The following MGAT4C variants were observed in gnomAD, a reference collection of about 807,000 sequenced individuals.
The protein encoded by MGAT4C is MGAT4 family member C.
In MGAT4C, 19 loss-of-function variants were observed where a neutral mutation model predicts 40.1. That is an observed-to-expected ratio of 0.47 (90% confidence interval 0.33 to 0.70). The LOEUF is 0.70. Ranked by LOEUF, MGAT4C falls within the 30% of genes least tolerant of loss-of-function variation. MGAT4C has a pLI of 0.02. For synonymous variants in MGAT4C, 181 were observed against 187.1 expected, an observed-to-expected ratio of 0.97 and a Z score of 0.27; for missense variants, 491 against 563.2, an observed-to-expected ratio of 0.87 and a Z score of 1.30.
intron 1 of MGAT4C, among the ~76,000 whole-genome samples, chr12:86,208,750 C>T (rs1950352217): frequency 6.6e-6 from 1 of 152,050 alleles, no homozygotes; most frequent in Non-Finnish European, 1.5e-5. Context: ...AGGACAGTAG[C>T]ATTTTGAAGA....
At chr12:86,734,590 T>C (rs1159835218) in intron 1 of MGAT4C, among the ~76,000 whole-genome samples, 1 of 151,946 alleles carries the variant, frequency 6.6e-6, no homozygotes, top group South Asian at 2.1e-4. Context: ...ATAACCCCCA[T>C]AGAAAGAGAC....
intron 2 of MGAT4C, among the ~76,000 whole-genome samples, chr12:86,616,025 G>C (rs1962435470): frequency 1.3e-5 from 2 of 152,086 alleles, no homozygotes; most frequent in Non-Finnish European, 2.9e-5. Flanking sequence ...CAAAATTCTA[G>C]TCAGTTGTAG....
chr12:86,674,524 C>T (rs1054138112), intron 2 of MGAT4C, among the ~76,000 whole-genome samples: 48 of 151,948 alleles, frequency 3.2e-4, no homozygotes, highest in African/African-American at 8.4e-4. Context: ...GGTGAAACCC[C>T]GTCTTTACTA....
intron 2 of MGAT4C, among the ~76,000 whole-genome samples, chr12:86,480,841 T>C (rs1957925900): frequency 6.6e-6 from 1 of 151,836 alleles, no homozygotes; most frequent in Non-Finnish European, 1.5e-5. Context: ...AAACAACCTT[T>C]TGTATTGTTT....
Position 85,962,603 on chromosome 12 carries a change from TTGAA to T in MGAT4C, c.*16682_*16685del, listed in dbSNP as rs1256503486. 1 of 150,814 alleles carries T rather than the reference TTGAA, an allele frequency of 6.6e-6. No individual in the cohort carries two copies. The highest frequency in any genetic ancestry group is 1.5e-5 in the Non-Finnish European group (1 of 67,452). The allele number at this position is 150,814 out of a possible 1,614,324, so 9.3% of individuals were successfully genotyped here. ...AATAAGGAATGGCTGAATTAAATGA[TTGAA>T]TGAAGGAGTGAAGGATGTAGATTGT... On this transcript the variant is annotated 3_prime_UTR_variant, in exon 5 of 5. Coordinates refer to ENST00000611864, the MANE Select transcript of MGAT4C (RefSeq NM_001351288.2).
chr12:86,464,432 T>G (rs1464812021), intron 2 of MGAT4C, among the ~76,000 whole-genome samples: 29 of 152,200 alleles, frequency 1.9e-4, no homozygotes, highest in Admixed American at 1.8e-3. Context: ...GAAGTCATGA[T>G]CATTAAAACG....
At chr12:86,383,413 G>A (rs548612892) in intron 3 of MGAT4C, among the ~76,000 whole-genome samples, 9 of 152,032 alleles carry the variant, frequency 5.9e-5, no homozygotes, top group East Asian at 3.9e-4. Flanking sequence ...TTATCTGGGC[G>A]TGGTGGCATG....
chr12:86,051,869 G>C (rs1289277547), intron 1 of MGAT4C, among the ~76,000 whole-genome samples: 1 of 151,414 alleles, frequency 6.6e-6, no homozygotes, highest in Non-Finnish European at 1.5e-5. Context: ...AAAATGGTTA[G>C]TTTTTTGTAC....
At chr12:86,248,166 A>G (rs1345464648) in intron 1 of MGAT4C, among the ~76,000 whole-genome samples, 1 of 151,878 alleles carries the variant, frequency 6.6e-6, no homozygotes, top group Non-Finnish European at 1.5e-5. Context: ...TAGCATGTCT[A>G]AAGTACACAA....
At chr12:86,810,076 CAG>C in intron 1 of MGAT4C, among the ~76,000 whole-genome samples, 1 of 152,072 alleles carries the variant, frequency 6.6e-6, no homozygotes, top group Middle Eastern at 3.4e-3. Flanking sequence ...AAAATCCATA[CAG>C]AGTCTTTTAA....
chr12:86,054,850 G>A (rs1893235371), intron 1 of MGAT4C, among the ~76,000 whole-genome samples: 1 of 149,156 alleles, frequency 6.7e-6, no homozygotes, highest in Non-Finnish European at 1.5e-5. Flanking sequence ...AATTTCTGTA[G>A]TAATGTATTT....
Position 86,735,782 on chromosome 12 carries a change from C to T in MGAT4C, c.-261-8541G>A, listed in dbSNP as rs139204688. Among the ~76,000 whole-genome samples the T allele has an allele frequency of 8.6e-4, 131 of 151,918 alleles. 2 individuals are homozygous for T. Among genetic ancestry groups the T allele is most frequent in the African/African-American group, 3.0e-3 (126 of 41,508 alleles). ...TGAAACTGACTGTTCATCCTCCCAC[C>T]ACCTACATGTTTTTCTCTTAAGTTC... On this transcript the variant is annotated intron_variant, in intron 1 of 7. Coordinates refer to the MGAT4C transcript ENST00000548651.
chr12:86,401,007 G>A (rs1956347773), intron 3 of MGAT4C, among the ~76,000 whole-genome samples: 1 of 151,980 alleles, frequency 6.6e-6, no homozygotes, highest in Non-Finnish European at 1.5e-5. Flanking sequence ...AAATTAGAAG[G>A]AGAGACTTTA....
At chr12:86,438,028 A>G (rs1200458790) in intron 2 of MGAT4C, among the ~76,000 whole-genome samples, 1 of 151,962 alleles carries the variant, frequency 6.6e-6, no homozygotes, top group Non-Finnish European at 1.5e-5. Flanking sequence ...GTCAAATGGT[A>G]GAAATGATTA....
At chr12:86,382,402 T>C (rs1445444526) in intron 3 of MGAT4C, among the ~76,000 whole-genome samples, 1 of 152,188 alleles carries the variant, frequency 6.6e-6, no homozygotes, top group African/African-American at 2.4e-5. Flanking sequence ...GTGACTTGGG[T>C]GCTGTTAAAT....
At chr12:86,237,844 C>T (rs970452114) in intron 1 of MGAT4C, among the ~76,000 whole-genome samples, 9 of 151,778 alleles carry the variant, frequency 5.9e-5, no homozygotes, top group African/African-American at 1.9e-4. Flanking sequence ...TTTTATCTTG[C>T]GATCTTGAAG....
chr12:86,323,073 A>G (rs1954435257), intron 4 of MGAT4C, among the ~76,000 whole-genome samples: 3 of 151,448 alleles, frequency 2.0e-5, no homozygotes, highest in East Asian at 3.9e-4. Flanking sequence ...GACAGATAAT[A>G]TAAGTTTACA....
At chr12:86,453,435 G>A (rs932066693) in intron 2 of MGAT4C, among the ~76,000 whole-genome samples, 2 of 152,020 alleles carry the variant, frequency 1.3e-5, no homozygotes, top group Admixed American at 6.6e-5. Flanking sequence ...GGACTAATAA[G>A]GGAAAACTTC....
At chr12:86,747,250 T>C (rs190278245) in intron 1 of MGAT4C, among the ~76,000 whole-genome samples, 1 of 151,802 alleles carries the variant, frequency 6.6e-6, no homozygotes, top group African/African-American at 2.4e-5. Context: ...ACTATAATTT[T>C]CTAAATGTTA....
Sources: allele counts gnomAD v4.1 joint callset (sites outside exome capture counted in the v4.1 genomes callset), GRCh38; gene constraint gnomAD v4.1.1; transcripts MANE v1.5; gene names NCBI Gene and HGNC (gene_info 2026-07-23, HGNC 2026-07-21).